The following SYCP2L variants were observed in gnomAD, a reference collection of about 807,000 sequenced individuals.
SYCP2L encodes synaptonemal complex protein 2 like.
SYCP2L carries 98 observed loss-of-function variants against 125.8 expected under a neutral mutation model. That is an observed-to-expected ratio of 0.78 (90% confidence interval 0.66 to 0.92). SYCP2L has a LOEUF of 0.92. Among genes scored for constraint, SYCP2L ranks in the 40% least tolerant of loss-of-function variants. The probability of loss-of-function intolerance (pLI) is 0.00; values close to 1 mark genes in which losing one functional copy is unlikely to be tolerated. For synonymous variants in SYCP2L, 317 were observed against 325.4 expected, an observed-to-expected ratio of 0.97 and a Z score of 0.28; for missense variants, 842 against 936.4, an observed-to-expected ratio of 0.90 and a Z score of 1.32.
Position 10,894,328 on chromosome 6 carries a change from T to C in SYCP2L, c.336+124T>C, listed in dbSNP as rs1052841159. ...AATCCAATTTGAAAAGAAATTGATA[T>C]CCATTCTTATTGCTTCTGTCTAACC... On this transcript the variant is annotated intron_variant, in intron 4 of 29. Coordinates refer to ENST00000283141, the MANE Select transcript of SYCP2L (RefSeq NM_001040274.3). 1.9e-5 allele frequency: 24 copies of C among 1,233,710 alleles called. No individual in the cohort carries two copies. In the South Asian group the frequency reaches 2.9e-4, roughly 15 times the overall value. 76.4% of individuals were successfully genotyped at this position (1,233,710 alleles called of 1,614,324 possible).
chr6:10,955,332 A>G (rs1230122672), intron 24 of SYCP2L, 115 bp downstream of exon 24: 1 of 616,436 alleles, frequency 1.6e-6, no homozygotes, highest in Non-Finnish European at 2.8e-6. Context: ...AGTAGCTACA[A>G]AATCCTAAAA....
intron 14 of SYCP2L, among the ~76,000 whole-genome samples, chr6:10,920,209 T>A (rs576358942): frequency 6.6e-6 from 1 of 152,220 alleles, no homozygotes; most frequent in South Asian, 2.1e-4. Flanking sequence ...AATTTCTTTT[T>A]GTTTTGTTTG....
chr6:10,898,764 T>A (rs1391483030), intron 5 of SYCP2L, 60 bp from the exon 6 acceptor site: 46 of 1,113,672 alleles, frequency 4.1e-5, no homozygotes, highest in Non-Finnish European at 5.8e-5. Context: ...ACATTCACAT[T>A]ACGGTTTATC....
At chr6:10,960,501 C>A (rs571812581) in intron 26 of SYCP2L, among the ~76,000 whole-genome samples, 1 of 152,208 alleles carries the variant, frequency 6.6e-6, no homozygotes, top group African/African-American at 2.4e-5. Flanking sequence ...ATAGAGAAGA[C>A]AAACTATAAG....
chr6:10,965,387 G>A (rs1214862716), intron 29 of SYCP2L, among the ~76,000 whole-genome samples: 1 of 152,196 alleles, frequency 6.6e-6, no homozygotes, highest in Non-Finnish European at 1.5e-5. Flanking sequence ...GGTGTTGCCA[G>A]TTAGATAAGG....
chr6:10,919,700 G>A (rs1780756579), intron 14 of SYCP2L, among the ~76,000 whole-genome samples: 1 of 152,074 alleles, frequency 6.6e-6, no homozygotes, highest in Middle Eastern at 3.2e-3. Flanking sequence ...TTGGGTGGGG[G>A]CAGGATTAGG....
At chr6:10,961,796 C>T (rs1781598539) in intron 28 of SYCP2L, among the ~76,000 whole-genome samples, 2 of 151,980 alleles carry the variant, frequency 1.3e-5, no homozygotes, top group South Asian at 4.2e-4. Flanking sequence ...TTTAAAATCC[C>T]AATTTTTTTA....
chr6:10,906,019 G>A lies in SYCP2L; in HGVS notation c.642-1G>A, dbSNP rs1179063942. On this transcript the variant is annotated splice_acceptor_variant, in intron 8 of 29. Transcript: ENST00000283141. LOFTEE classifies it high-confidence loss of function. ...AAATGTGATTTATCTAAATGTTTCA[G>A]GAAAGACCTTGCAAGGACACTCTTG... 5 of 1,597,544 alleles carry A rather than the reference G, an allele frequency of 3.1e-6. No individual in the cohort carries two copies. Among genetic ancestry groups the A allele is most frequent in the Non-Finnish European group, 4.3e-6 (5 of 1,167,606 alleles).
chr6:10,911,848 G>A (rs1387632712), intron 12 of SYCP2L, among the ~76,000 whole-genome samples: 1 of 143,378 alleles, frequency 7.0e-6, no homozygotes, highest in Non-Finnish European at 1.5e-5. Context: ...AAGTTGGATT[G>A]TAGAATAGTA....
chr6:10,890,218 G>C (rs1253539277), intron 1 of SYCP2L, among the ~76,000 whole-genome samples: 1 of 152,126 alleles, frequency 6.6e-6, no homozygotes, highest in Non-Finnish European at 1.5e-5. Flanking sequence ...TTTTCTTTTG[G>C]ATATATCTCC....
At chr6:10,895,431 A>G (rs1041300225) in intron 4 of SYCP2L, among the ~76,000 whole-genome samples, 4 of 152,194 alleles carry the variant, frequency 2.6e-5, no homozygotes, top group African/African-American at 9.7e-5. Flanking sequence ...CCGGTTGGCT[A>G]AACATTTCCT....
chr6:10,924,476 T>A lies in SYCP2L; in HGVS notation c.1073-20T>A, dbSNP rs1434353131. On this transcript the variant is annotated intron_variant, in intron 14 of 29. Coordinates refer to ENST00000283141, the MANE Select transcript of SYCP2L (RefSeq NM_001040274.3). ...ATTGAAGTATGTTGCTATGCATTGATATTCCATATTTTCTCTTAGAAACGG... is the reference window on the plus strand; with the variant it reads ...ATTGAAGTATGTTGCTATGCATTGAAATTCCATATTTTCTCTTAGAAACGG... 5.8e-6 allele frequency: 9 copies of A among 1,541,794 alleles called. No individual in the cohort carries two copies. Among genetic ancestry groups the A allele is most frequent in the Middle Eastern group, 3.7e-4 (2 of 5,466 alleles).
At chr6:10,916,416 CTGTT>C (rs1304788369) in intron 14 of SYCP2L, among the ~76,000 whole-genome samples, 5 of 152,082 alleles carry the variant, frequency 3.3e-5, no homozygotes, top group African/African-American at 9.7e-5. Flanking sequence ...CTTAGATTGT[CTGTT>C]TGTGCTCTTT....
In SYCP2L at chr6:10,945,023, T is replaced by G. The variant is rs574249722; in HGVS notation, c.1954+2277T>G. On this transcript the variant is annotated intron_variant, in intron 23 of 29. Coordinates refer to ENST00000283141, the MANE Select transcript of SYCP2L (RefSeq NM_001040274.3). The stretch of plus-strand genomic sequence containing the variant: ...GCCACCGTGCCCGGCCTAAAATATT[T>G]TTTATTTTGATTTCTTCATTGATCC... 3.1e-3 allele frequency among the ~76,000 whole-genome samples: 467 copies of G among 152,236 alleles called. 1 individual carries two copies. Among genetic ancestry groups the G allele is most frequent in the Non-Finnish European group, 5.0e-3 (338 of 67,988 alleles).
chr6:10,895,873 C>G (rs1033497014), intron 4 of SYCP2L, among the ~76,000 whole-genome samples: 8 of 152,044 alleles, frequency 5.3e-5, no homozygotes, highest in Non-Finnish European at 8.8e-5. Flanking sequence ...AATAAGAATT[C>G]CTGGCACGGC....
At chr6:10,908,777 G>T (rs183015748) in intron 10 of SYCP2L, among the ~76,000 whole-genome samples, 1 of 152,298 alleles carries the variant, frequency 6.6e-6, no homozygotes, top group Admixed American at 6.5e-5. Flanking sequence ...TAATCTCAGT[G>T]GAAAGACCAT....
At chr6:10,935,659 T>TA (rs1289884332) in intron 21 of SYCP2L, among the ~76,000 whole-genome samples, 1 of 151,952 alleles carries the variant, frequency 6.6e-6, no homozygotes, top group Non-Finnish European at 1.5e-5. Flanking sequence ...CATGCCCGGC[T>TA]AATTTTTGTA....
At position 10,894,133 on chromosome 6, in the gene SYCP2L, A is replaced by G. The variant is rs1561678895; in HGVS notation, c.265A>G (p.Ile89Val). ...FQSVSLLLKC[I>V]QRFLVDGLKE... ...GTCTGTGTCACTGTTGCTGAAATGT[A>G]TTCAGCGATTCCTCGTAGATGGCCT... Residue 89 changes from isoleucine (I) to valine (V), a missense_variant, in exon 4 of 30, where the codon ATT (isoleucine) becomes GTT (valine). Transcript: ENST00000283141. 1.2e-6 allele frequency: 2 copies of G among 1,613,602 alleles called. No homozygotes were observed. The highest frequency in any genetic ancestry group is 1.6e-4 in the Middle Eastern group (1 of 6,062).
intron 6 of SYCP2L, among the ~76,000 whole-genome samples, chr6:10,901,059 T>G (rs1780368996): frequency 1.3e-5 from 2 of 152,246 alleles, no homozygotes; most frequent in Admixed American, 6.5e-5. Flanking sequence ...TTACGTCTTC[T>G]TACTTATTTT....
Sources: gnomAD v4.1 joint callset for allele counts (sites outside exome capture counted in the v4.1 genomes callset) on GRCh38, gnomAD v4.1.1 for gene constraint, MANE v1.5 for transcripts, NCBI Gene and HGNC (gene_info 2026-07-23, HGNC 2026-07-21) for gene names.